Variants in RHPN2 observed in about 807,000 individuals in gnomAD.
RHPN2 encodes the protein rhophilin Rho GTPase binding protein 2.
A neutral mutation model predicts 79.0 loss-of-function variants in RHPN2; 40 were observed. That is an observed-to-expected ratio of 0.51 (90% CI 0.39 to 0.66). The LOEUF (loss-of-function observed/expected upper bound fraction) is 0.66, where lower values mean the gene tolerates loss of function less well. RHPN2 is among the 30% of genes least tolerant of loss of function. The pLI, the probability that RHPN2 is intolerant of heterozygous loss-of-function variation, is 0.00. For synonymous variants in RHPN2, 285 were observed against 363.5 expected (o/e 0.78, Z 2.46); for missense variants, 686 against 883.5 (o/e 0.78, Z 2.83).
intron 1 of RHPN2, among the ~76,000 whole-genome samples, chr19:33,063,115 G>A (rs892695301): frequency 1.3e-5 from 2 of 152,102 alleles, no homozygotes; most frequent in African/African-American, 2.4e-5. Flanking sequence ...GTCAGGCCCC[G>A]GGGCCCGAGG....
At chr19:33,017,149 C>T (rs543840207) in intron 4 of RHPN2, among the ~76,000 whole-genome samples, 14 of 152,104 alleles carry the variant, frequency 9.2e-5, no homozygotes, top group African/African-American at 2.9e-4. Context: ...GAGGCTGAGG[C>T]GGGTGGATCA....
At chr19:32,994,079 G>A (rs774476633) in intron 11 of RHPN2, 26 bp from the exon 12 acceptor site, 5 of 1,498,846 alleles carry the variant, frequency 3.3e-6, no homozygotes, top group Non-Finnish European at 4.6e-6. Context: ...AGAAATGGGA[G>A]GATAAACGTT....
Position 32,979,389 on chromosome 19 carries a change from G to A in RHPN2, c.*607C>T, listed in dbSNP as rs1281862668. 2.0e-5 allele frequency: 3 copies of A among 152,994 alleles called. No homozygotes were observed. Among genetic ancestry groups the A allele is most frequent in the African/African-American group, 7.2e-5 (3 of 41,418 alleles). 9.5% of individuals were successfully genotyped at this position (152,994 alleles called of 1,614,324 possible). ...TAAATGACATCAAACTAGAAGAAAA[G>A]CTGCTCCTACATTGTTTTTATTTAA... On this transcript the variant is annotated 3_prime_UTR_variant, in exon 15 of 15. Coordinates refer to ENST00000254260, the MANE Select transcript of RHPN2 (RefSeq NM_033103.5).
At chr19:33,062,248 GTC>G (rs1239401246) in intron 1 of RHPN2, among the ~76,000 whole-genome samples, 2 of 152,078 alleles carry the variant, frequency 1.3e-5, no homozygotes, top group Non-Finnish European at 2.9e-5. Context: ...ATCACCTGAG[GTC>G]AGGAGTTCAA....
In RHPN2 at chr19:33,064,869, C is replaced by G; in HGVS notation, c.-17G>C. Reference sequence around the variant, plus strand: ...GTCGGTCATGCTAGCGGCGCGGGCGCGGAGGGCGGACGGCGGACTGAGGCG... The same window carrying G: ...GTCGGTCATGCTAGCGGCGCGGGCGGGGAGGGCGGACGGCGGACTGAGGCG... On this transcript the variant is annotated 5_prime_UTR_variant, in exon 1 of 15. Transcript: ENST00000254260. 1 of 1,483,856 alleles carries G rather than the reference C, an allele frequency of 6.7e-7. No individual in the cohort carries two copies. The highest frequency in any genetic ancestry group is 2.8e-5 in the East Asian group (1 of 35,222). 91.9% of individuals were successfully genotyped at this position (1,483,856 alleles called of 1,614,324 possible).
Position 33,053,033 on chromosome 19 carries a change from G to A in RHPN2, c.70-8669C>T, listed in dbSNP as rs1033599238. The stretch of plus-strand genomic sequence containing the variant: ...GTTGCCCAGGCTGGAGTGCAGTGGT[G>A]TGATCTCGGCTCACTGCAACCTCCA... On this transcript the variant is annotated intron_variant, in intron 1 of 14. Coordinates refer to ENST00000254260, the MANE Select transcript of RHPN2 (RefSeq NM_033103.5). Among the ~76,000 whole-genome samples, 6 of 151,624 alleles carry A rather than the reference G, an allele frequency of 4.0e-5. No homozygotes were observed. The South Asian group carries it at 8.3e-4, about 21-fold the overall frequency.
chr19:32,987,825 T>G (rs1279310152), intron 14 of RHPN2, among the ~76,000 whole-genome samples: 1 of 152,142 alleles, frequency 6.6e-6, no homozygotes, highest in African/African-American at 2.4e-5. Context: ...TCTGGAACAT[T>G]CAAAACATGA....
intron 14 of RHPN2, among the ~76,000 whole-genome samples, chr19:32,989,120 T>A (rs1971635336): frequency 6.6e-6 from 1 of 151,918 alleles, no homozygotes; most frequent in Non-Finnish European, 1.5e-5. Flanking sequence ...AATTTTAGGG[T>A]TTTTTTGCAG....
chr19:33,021,695 T>G (rs755173749), intron 3 of RHPN2, 49 bp from the exon 4 acceptor site: 2 of 1,460,022 alleles, frequency 1.4e-6, no homozygotes, highest in South Asian at 2.3e-5. Context: ...ACCGGACCCC[T>G]GTGCACCCCA....
intron 7 of RHPN2, among the ~76,000 whole-genome samples, chr19:33,003,337 G>A (rs1971765511): frequency 1.6e-5 from 2 of 123,736 alleles, no homozygotes; most frequent in Admixed American, 1.0e-4. Flanking sequence ...CAGCCTGGGT[G>A]ACAGAGCAAG....
intron 4 of RHPN2, among the ~76,000 whole-genome samples, chr19:33,016,003 T>C (rs910250550): frequency 3.3e-5 from 5 of 152,022 alleles, no homozygotes; most frequent in African/African-American, 9.7e-5. Context: ...TGAGCCAAGA[T>C]TGTACCACTG....
At chr19:33,017,440 A>G (rs1457143439) in intron 4 of RHPN2, among the ~76,000 whole-genome samples, 1 of 152,098 alleles carries the variant, frequency 6.6e-6, no homozygotes, top group Non-Finnish European at 1.5e-5. Context: ...ATCGTAAAGA[A>G]ACTTCTACAA....
At chr19:33,045,786 T>C (rs1035995142) in intron 1 of RHPN2, among the ~76,000 whole-genome samples, 2 of 152,180 alleles carry the variant, frequency 1.3e-5, no homozygotes, top group African/African-American at 4.8e-5. Context: ...CACTATCTGA[T>C]TTTAGAACAT....
intron 11 of RHPN2, among the ~76,000 whole-genome samples, chr19:32,995,218 A>C (rs1019137668): frequency 1.4e-4 from 22 of 151,836 alleles, no homozygotes; most frequent in Non-Finnish European, 2.8e-4. Flanking sequence ...AACTATAGGT[A>C]TGCACCACCA....
At chr19:33,016,932 G>A (rs983098894) in intron 4 of RHPN2, among the ~76,000 whole-genome samples, 10 of 152,334 alleles carry the variant, frequency 6.6e-5, no homozygotes, top group African/African-American at 2.4e-4. Context: ...AAATGACATG[G>A]TTGGAAGCCT....
intron 1 of RHPN2, among the ~76,000 whole-genome samples, chr19:33,046,200 T>C (rs190181336): frequency 4.3e-4 from 66 of 152,348 alleles, no homozygotes; most frequent in Admixed American, 2.5e-3. Context: ...TGTGCTTTTG[T>C]TTCTCTTGGC....
intron 1 of RHPN2, among the ~76,000 whole-genome samples, chr19:33,053,037 TC>T (rs1472702315): frequency 6.6e-6 from 1 of 151,760 alleles, no homozygotes; most frequent in African/African-American, 2.4e-5. Flanking sequence ...AGTGGTGTGA[TC>T]TCGGCTCACT....
intron 2 of RHPN2, among the ~76,000 whole-genome samples, chr19:33,040,453 T>C (rs1056167094): frequency 6.6e-6 from 1 of 152,014 alleles, no homozygotes; most frequent in African/African-American, 2.4e-5. Context: ...TTGGCCAGGA[T>C]GGTCTCGATC....
intron 2 of RHPN2, chr19:33,026,889 C>G (rs985341471): frequency 4.7e-6 from 2 of 427,454 alleles, no homozygotes; most frequent in African/African-American, 4.1e-5. Context: ...TGCAAACACT[C>G]AGTCTTGAGA....
Sources: gnomAD v4.1 joint callset for allele counts (sites outside exome capture counted in the v4.1 genomes callset) on GRCh38, gnomAD v4.1.1 for gene constraint, MANE v1.5 for transcripts, NCBI Gene and HGNC (gene_info 2026-07-23, HGNC 2026-07-21) for gene names.